The following MIA2 variants were observed in gnomAD, a reference collection of about 807,000 sequenced individuals.
The protein encoded by MIA2 is MIA SH3 domain ER export factor 2.
In MIA2, 127 loss-of-function variants were observed where a neutral mutation model predicts 167.8. The ratio of observed to expected loss-of-function variants is 0.76; its 90% CI spans 0.66 to 0.88. The LOEUF (loss-of-function observed/expected upper bound fraction) is 0.88. MIA2 is among the 40% of genes least tolerant of loss of function. The pLI is 0.00. For missense variants in MIA2, 1,690 were observed against 1,624.7 expected (o/e 1.04, Z -0.69); for synonymous variants, 552 against 541.9 (o/e 1.02, Z -0.26).
At chr14:39,280,218 G>GT (rs1594953760) in intron 9 of MIA2, among the ~76,000 whole-genome samples, 1 of 151,880 alleles carries the variant, frequency 6.6e-6, no homozygotes, top group Admixed American at 6.6e-5. Flanking sequence ...CTTTTTGTTT[G>GT]TTTTTTGCCA....
At chr14:39,273,385 C>T (rs1370011188) in intron 6 of MIA2, among the ~76,000 whole-genome samples, 1 of 151,942 alleles carries the variant, frequency 6.6e-6, no homozygotes, top group East Asian at 1.9e-4. Flanking sequence ...CAGGGCCTCA[C>T]TCTGTTGCCC....
chr14:39,335,766 C>T (rs2070241722), intron 25 of MIA2, among the ~76,000 whole-genome samples: 2 of 152,146 alleles, frequency 1.3e-5, no homozygotes, highest in Non-Finnish European at 2.9e-5. Context: ...TGTCTCTCCT[C>T]GCTCTACTCT....
At chr14:39,364,451 GT>G (rs539004356) in intron 23 of MIA2, among the ~76,000 whole-genome samples, 1 of 145,738 alleles carries the variant, frequency 6.9e-6, no homozygotes, top group African/African-American at 2.5e-5. Context: ...TTTTTGTTTT[GT>G]TTTTTTTTGT....
intron 23 of MIA2, among the ~76,000 whole-genome samples, chr14:39,381,782 G>C (rs892921788): frequency 6.6e-6 from 1 of 150,480 alleles, no homozygotes; most frequent in African/African-American, 2.4e-5. Flanking sequence ...AGGTAGAGTT[G>C]GTCAAACCCA....
chr14:39,357,421 C>T (rs1470625707), intron 23 of MIA2, among the ~76,000 whole-genome samples: 3 of 152,090 alleles, frequency 2.0e-5, no homozygotes, highest in Non-Finnish European at 2.9e-5. Flanking sequence ...CTTCCTCCAT[C>T]CCTTTATTTT....
chr14:39,259,722 T>TA, intron 6 of MIA2, among the ~76,000 whole-genome samples: 1 of 105,496 alleles, frequency 9.5e-6, no homozygotes, highest in African/African-American at 4.3e-5. Flanking sequence ...TTTTTTTTTT[T>TA]AAATACTTTA....
At chr14:39,286,020 G>A (rs1456253616) in intron 9 of MIA2, among the ~76,000 whole-genome samples, 7 of 152,164 alleles carry the variant, frequency 4.6e-5, no homozygotes, top group South Asian at 2.1e-4. Flanking sequence ...AGGCAGAGAC[G>A]CTCTTCACTT....
chr14:39,380,140 T>G (rs2075124987), intron 23 of MIA2, among the ~76,000 whole-genome samples: 1 of 152,166 alleles, frequency 6.6e-6, no homozygotes, highest in African/African-American at 2.4e-5. Context: ...AAACATTTCC[T>G]TCAGACCTTT....
intron 23 of MIA2, among the ~76,000 whole-genome samples, chr14:39,362,674 ATTTTG>A (rs2074712932): frequency 6.6e-6 from 1 of 151,800 alleles, no homozygotes; most frequent in Admixed American, 6.6e-5. Context: ...TCTAGTCTCT[ATTTTG>A]TTTAGTTCTG....
chr14:39,244,045 T>C (rs1318133853), intron 3 of MIA2, among the ~76,000 whole-genome samples: 2 of 152,254 alleles, frequency 1.3e-5, no homozygotes, highest in Non-Finnish European at 2.9e-5. Context: ...TGGATTCTTC[T>C]TGGCTTTGCT....
intron 27 of MIA2, 70 bp downstream of exon 27, chr14:39,347,841 T>TTTTTTTA: frequency 1.8e-6 from 2 of 1,105,358 alleles, no homozygotes; most frequent in South Asian, 1.5e-5. Flanking sequence ...TTTTTTTTTT[T>TTTTTTTA]ATGGAGTTTC....
At chr14:39,245,631 C>T (rs1404171468) in intron 3 of MIA2, among the ~76,000 whole-genome samples, 1 of 152,272 alleles carries the variant, frequency 6.6e-6, no homozygotes, top group East Asian at 1.9e-4. Flanking sequence ...ATTTATTTCT[C>T]ACAGTTCTGA....
intron 23 of MIA2, among the ~76,000 whole-genome samples, chr14:39,378,977 ATCTTTAT>A (rs1309129815): frequency 2.0e-5 from 3 of 152,246 alleles, no homozygotes; most frequent in African/African-American, 4.8e-5. Context: ...AAAGGCAAAA[ATCTTTAT>A]TCTTTGAGAG....
chr14:39,359,687 T>A (rs1223220793), intron 23 of MIA2, among the ~76,000 whole-genome samples: 1 of 152,188 alleles, frequency 6.6e-6, no homozygotes, highest in Non-Finnish European at 1.5e-5. Context: ...TTTGGCTATC[T>A]TGCCCCAGCC....
chr14:39,339,106 A>G (rs1033371986), intron 25 of MIA2, among the ~76,000 whole-genome samples: 2 of 152,162 alleles, frequency 1.3e-5, no homozygotes, highest in African/African-American at 4.8e-5. Context: ...AGGAATGCAC[A>G]GGCTAGATCC....
At chr14:39,366,697 C>T (rs1183165402) in intron 23 of MIA2, among the ~76,000 whole-genome samples, 1 of 152,146 alleles carries the variant, frequency 6.6e-6, no homozygotes, top group Non-Finnish European at 1.5e-5. Flanking sequence ...TTGTGGTGGA[C>T]AGATCGGGGT....
intron 6 of MIA2, 54 bp from the exon 7 acceptor site, chr14:39,276,880 C>T: frequency 6.3e-7 from 1 of 1,588,954 alleles, no homozygotes; most frequent in Non-Finnish European, 8.6e-7. Flanking sequence ...TGTTTGTAAT[C>T]AATATTTTTA....
intron 6 of MIA2, among the ~76,000 whole-genome samples, chr14:39,260,198 T>A (rs930781508): frequency 6.6e-6 from 1 of 152,208 alleles, no homozygotes; most frequent in Non-Finnish European, 1.5e-5. Flanking sequence ...GTAGCTTGAT[T>A]TATAATCCTT....
chr14:39,295,130 C>T, intron 13 of MIA2, 101 bp downstream of exon 13: 1 of 791,512 alleles, frequency 1.3e-6, no homozygotes, highest in Non-Finnish European at 2.2e-6. Context: ...ATAGGCTTTT[C>T]CTTGAGAGCA....
Sources: gnomAD v4.1 joint callset for allele counts (sites outside exome capture counted in the v4.1 genomes callset) on GRCh38, gnomAD v4.1.1 for gene constraint, MANE v1.5 for transcripts, NCBI Gene and HGNC (gene_info 2026-07-23, HGNC 2026-07-21) for gene names.